Variants in SLC22A3 observed in about 807,000 individuals in gnomAD.
SLC22A3 encodes EMT organic cation transporter 3.
Under a neutral mutation model 59.1 loss-of-function variants are expected in SLC22A3, and 51 were observed. The observed-to-expected ratio is 0.86, with a 90% CI of 0.69 to 1.09. The LOEUF is 1.09. Among genes scored for constraint, SLC22A3 ranks in the 50% least tolerant of loss-of-function variants. SLC22A3 has a pLI of 0.00. For synonymous variants in SLC22A3, 325 were observed against 292.0 expected, an observed-to-expected ratio of 1.11 and a Z score of -1.15; for missense variants, 711 against 726.3, an observed-to-expected ratio of 0.98 and a Z score of 0.24.
chr6:160,375,534 G>T (rs1785558695), intron 1 of SLC22A3, among the ~76,000 whole-genome samples: 1 of 151,944 alleles, frequency 6.6e-6, no homozygotes, highest in African/African-American at 2.4e-5. Context: ...AACCAGACTG[G>T]TAAGATACCA....
At chr6:160,396,484 A>C (rs1244660132) in intron 1 of SLC22A3, among the ~76,000 whole-genome samples, 2 of 152,206 alleles carry the variant, frequency 1.3e-5, no homozygotes, top group Non-Finnish European at 2.9e-5. Context: ...AGGTTAAAGA[A>C]TTGAGTAACA....
chr6:160,444,032 T>G (rs1049448058), intron 9 of SLC22A3, among the ~76,000 whole-genome samples: 1 of 152,198 alleles, frequency 6.6e-6, no homozygotes, highest in Non-Finnish European at 1.5e-5. Context: ...TGTGAAACTC[T>G]TATGGTATTG....
intron 7 of SLC22A3, among the ~76,000 whole-genome samples, chr6:160,442,224 A>G (rs1455474727): frequency 6.6e-6 from 1 of 152,206 alleles, no homozygotes; most frequent in Non-Finnish European, 1.5e-5. Context: ...AACACACAGA[A>G]TAGATGTCCC....
intron 1 of SLC22A3, among the ~76,000 whole-genome samples, chr6:160,352,104 T>C (rs924268035): frequency 2.0e-5 from 3 of 152,260 alleles, no homozygotes; most frequent in African/African-American, 7.2e-5. Flanking sequence ...ATGGGGAGGC[T>C]GTGCTTTCAT....
At chr6:160,442,593 C>A (rs576590428) in intron 7 of SLC22A3, among the ~76,000 whole-genome samples, 168 bp from the exon 8 acceptor site, 2 of 152,334 alleles carry the variant, frequency 1.3e-5, no homozygotes, top group South Asian at 4.1e-4. Flanking sequence ...CATCTAGTTT[C>A]ATTGTTGTTG....
intron 1 of SLC22A3, among the ~76,000 whole-genome samples, chr6:160,359,686 T>C (rs1240907346): frequency 6.6e-6 from 1 of 152,230 alleles, no homozygotes; most frequent in Non-Finnish European, 1.5e-5. Flanking sequence ...CTGGATTTGA[T>C]ACATCACAAA....
rs1291157261 is a variant in SLC22A3, at chr6:160,406,903, T to C, written c.534-138T>C. 27 of 1,033,350 alleles carry C rather than the reference T, an allele frequency of 2.6e-5. No homozygotes were observed. In the Admixed American group the frequency reaches 8.2e-4, roughly 31 times the overall value. The allele number at this position is 1,033,350 out of a possible 1,614,324, so 64.0% of individuals were successfully genotyped here. A position where few individuals can be genotyped will look rare whatever the true frequency, so the allele number is the denominator to read the frequency against. On this transcript the variant is annotated intron_variant, in intron 2 of 10. Transcript: ENST00000275300. ...CTAGGCAACATAGGGACACCCTGTC[T>C]CTACAAAACATCTTTAAAATAAAAT...
At chr6:160,349,515 C>T (rs191533441) in intron 1 of SLC22A3, among the ~76,000 whole-genome samples, 1 of 151,972 alleles carries the variant, frequency 6.6e-6, no homozygotes, top group African/African-American at 2.4e-5. Context: ...AGGAACATAG[C>T]GGGAGGGCCA....
chr6:160,426,135 C>T (rs1787942271), intron 5 of SLC22A3: 2 of 985,284 alleles, frequency 2.0e-6, no homozygotes, highest in African/African-American at 3.5e-5. Flanking sequence ...TTTTGAGGTG[C>T]ATCTAAACTG....
At chr6:160,385,547 C>T (rs764272183) in intron 1 of SLC22A3, among the ~76,000 whole-genome samples, 11 of 152,170 alleles carry the variant, frequency 7.2e-5, no homozygotes, top group East Asian at 1.9e-4. Flanking sequence ...CTGTCTGCCC[C>T]GTGGCCTCCA....
At chr6:160,414,079 T>C (rs1787369173) in intron 5 of SLC22A3, among the ~76,000 whole-genome samples, 1 of 152,180 alleles carries the variant, frequency 6.6e-6, no homozygotes, top group Non-Finnish European at 1.5e-5. Flanking sequence ...TCCCTGTCAA[T>C]TGGTAGTTAG....
At chr6:160,387,417 T>C (rs942987229) in intron 1 of SLC22A3, among the ~76,000 whole-genome samples, 12 of 152,304 alleles carry the variant, frequency 7.9e-5, no homozygotes, top group African/African-American at 2.9e-4. Flanking sequence ...GCCACACTCA[T>C]GAGCAGTATT....
chr6:160,402,485 T>TA (rs1212331627), intron 2 of SLC22A3, among the ~76,000 whole-genome samples: 1 of 151,766 alleles, frequency 6.6e-6, no homozygotes, highest in Non-Finnish European at 1.5e-5. Flanking sequence ...ATTCAACAGG[T>TA]AAAAAACCTA....
At chr6:160,413,210 A>G (rs1018474596) in intron 5 of SLC22A3, among the ~76,000 whole-genome samples, 1 of 152,176 alleles carries the variant, frequency 6.6e-6, no homozygotes, top group African/African-American at 2.4e-5. Context: ...TACACATCCC[A>G]TGAGTGTACA....
intron 5 of SLC22A3, among the ~76,000 whole-genome samples, chr6:160,420,509 T>G (rs1583497100): frequency 6.6e-6 from 1 of 152,236 alleles, no homozygotes; most frequent in African/African-American, 2.4e-5. Flanking sequence ...ATAAACTTCC[T>G]GCATTCAGTA....
Position 160,406,582 on chromosome 6 carries a change from A to G in SLC22A3, c.534-459A>G, listed in dbSNP as rs1787021275. On this transcript the variant is annotated intron_variant, in intron 2 of 10. Coordinates refer to ENST00000275300, the MANE Select transcript of SLC22A3 (RefSeq NM_021977.4). ...TCCCTCTAGAAAAAGGTGGGAATAA[A>G]CAAAAACAAGCAAGCAAAACCTTCG... is the stretch of plus-strand genomic sequence containing the variant. Among the ~76,000 whole-genome samples the G allele has an allele frequency of 2.6e-5, 4 of 152,232 alleles. No individual in the cohort carries two copies. The South Asian group carries it at 8.3e-4, about 32-fold the overall frequency.
In SLC22A3 at chr6:160,348,449, G is replaced by A. The variant is rs1784544092; in HGVS notation, c.30G>A (p.Arg10=). MPSFDEALQ[R]VGEFGRFQRR... ...CCTCCTTCGACGAGGCGCTGCAGCG[G>A]GTGGGCGAGTTCGGGCGCTTCCAGA... The change falls in exon 1 of 11, where the codon CGG becomes CGA. Residue 10 remains arginine (R), a synonymous_variant. Transcript: ENST00000275300. 2 of 1,530,522 alleles carry A rather than the reference G, an allele frequency of 1.3e-6. No individual in the cohort carries two copies. The highest frequency in any genetic ancestry group is 2.9e-5 in the African/African-American group (2 of 69,976). 94.8% of individuals were successfully genotyped at this position (1,530,522 alleles called of 1,614,324 possible). A position where few individuals can be genotyped will look rare whatever the true frequency, so the allele number is the denominator to read the frequency against.
At chr6:160,362,474 T>G (rs1785047130) in intron 1 of SLC22A3, among the ~76,000 whole-genome samples, 1 of 152,218 alleles carries the variant, frequency 6.6e-6, no homozygotes. Flanking sequence ...ACGCTTTCCT[T>G]TTTCCTTCAC....
At chr6:160,448,587 G>A (rs927775829) in intron 10 of SLC22A3, among the ~76,000 whole-genome samples, 1 of 152,008 alleles carries the variant, frequency 6.6e-6, no homozygotes, top group African/African-American at 2.4e-5. Context: ...GTTTTGGAGG[G>A]GGGTGTTTAA....
Sources: gnomAD v4.1 joint callset for allele counts (sites outside exome capture counted in the v4.1 genomes callset) on GRCh38, gnomAD v4.1.1 for gene constraint, MANE v1.5 for transcripts, NCBI Gene and HGNC (gene_info 2026-07-23, HGNC 2026-07-21) for gene names.